Variants in PTPRD observed in about 807,000 individuals in gnomAD.
The protein encoded by PTPRD is receptor-type tyrosine-protein phosphatase delta.
PTPRD carries 34 observed loss-of-function variants against 214.5 expected under a neutral mutation model. The observed-to-expected ratio is 0.16, with a 90% CI of 0.12 to 0.21. The LOEUF is 0.21. Ranked by LOEUF, PTPRD falls within the 10% of genes least tolerant of loss-of-function variation. PTPRD has a pLI of 1.00. For missense variants in PTPRD, 2,545 were observed against 2,398.7 expected (o/e 1.06, Z -1.27); for synonymous variants, 1,128 against 845.7 (o/e 1.33, Z -5.79).
At chr9:8,724,213 G>A (rs1027365791) in intron 12 of PTPRD, among the ~76,000 whole-genome samples, 70 of 152,270 alleles carry the variant, frequency 4.6e-4, no homozygotes, top group African/African-American at 1.6e-3. Flanking sequence ...TAAATGCCAT[G>A]TTAAAAACAA....
chr9:8,921,516 C>CAG (rs2098827847), intron 11 of PTPRD, among the ~76,000 whole-genome samples: 1 of 151,474 alleles, frequency 6.6e-6, no homozygotes, highest in Non-Finnish European at 1.5e-5. Context: ...TTTTTTGAGA[C>CAG]AGAGTCTCAC....
intron 9 of PTPRD, among the ~76,000 whole-genome samples, chr9:9,197,034 C>T (rs553973077): frequency 1.1e-4 from 17 of 152,176 alleles, no homozygotes; most frequent in African/African-American, 4.1e-4. Flanking sequence ...TTGTCAAAAC[C>T]CACAAATGAC....
intron 8 of PTPRD, among the ~76,000 whole-genome samples, chr9:9,546,968 T>TA (rs112152262): frequency 7.2e-4 from 105 of 146,728 alleles, no homozygotes; most frequent in Admixed American, 4.4e-3. Flanking sequence ...TCACTAATGT[T>TA]AAAAAAAAAA....
chr9:10,105,736 C>G (rs1412364515), intron 3 of PTPRD, among the ~76,000 whole-genome samples: 3 of 151,666 alleles, frequency 2.0e-5, no homozygotes, highest in Non-Finnish European at 2.9e-5. Flanking sequence ...ATATAAGAAG[C>G]TTCTGAAAAA....
chr9:8,534,417 G>A (rs1321783833), intron 14 of PTPRD, among the ~76,000 whole-genome samples: 2 of 151,866 alleles, frequency 1.3e-5, no homozygotes, highest in Non-Finnish European at 2.9e-5. Flanking sequence ...GGCAAACACT[G>A]TGGGTCTTCC....
At chr9:8,426,075 GA>G (rs776693294) in intron 35 of PTPRD, among the ~76,000 whole-genome samples, 1 of 151,776 alleles carries the variant, frequency 6.6e-6, no homozygotes, top group Admixed American at 6.6e-5. Context: ...AATCACTTGA[GA>G]AAAAAAAGTC....
rs565456504 is a variant in PTPRD, at chr9:10,146,970, T to C, written c.-544-113180A>G. Among the ~76,000 whole-genome samples the C allele has an allele frequency of 5.3e-5, 8 of 152,090 alleles. No homozygotes were observed. In the East Asian group the frequency reaches 5.8e-4, roughly 11 times the overall value. On this transcript the variant is annotated intron_variant, in intron 3 of 45. Transcript: ENST00000381196. ...AGCCAAGATCTTAGATCCAGACATG[T>C]AGGTGGCGACTTCAAGTCTGAAAAT...
intron 8 of PTPRD, among the ~76,000 whole-genome samples, chr9:9,442,830 A>G (rs562632551): frequency 4.6e-5 from 7 of 152,330 alleles, no homozygotes; most frequent in African/African-American, 7.2e-5. Flanking sequence ...AAACATGACT[A>G]TAAAGAAATA....
chr9:9,339,768 T>C (rs1025060461), intron 9 of PTPRD, among the ~76,000 whole-genome samples: 3 of 152,176 alleles, frequency 2.0e-5, no homozygotes, highest in African/African-American at 4.8e-5. Flanking sequence ...CCCTAAATGA[T>C]TGCTTCAGAA....
chr9:9,742,939 A>T (rs1404605379), intron 6 of PTPRD, among the ~76,000 whole-genome samples: 1 of 152,166 alleles, frequency 6.6e-6, no homozygotes, highest in Non-Finnish European at 1.5e-5. Context: ...TACTGTTACT[A>T]TCCTTCTTTA....
chr9:9,023,663 C>T (rs1355560438), intron 10 of PTPRD, among the ~76,000 whole-genome samples: 3 of 151,844 alleles, frequency 2.0e-5, no homozygotes, highest in Non-Finnish European at 4.4e-5. Flanking sequence ...CCCCGCTCTC[C>T]CTCCCCCGTC....
At chr9:9,422,584 A>G (rs1410708642) in intron 8 of PTPRD, among the ~76,000 whole-genome samples, 1 of 152,130 alleles carries the variant, frequency 6.6e-6, no homozygotes, top group Non-Finnish European at 1.5e-5. Context: ...TCTCCTTGGG[A>G]CATGAGCTAT....
intron 12 of PTPRD, among the ~76,000 whole-genome samples, chr9:8,668,723 A>C (rs1040540085): frequency 6.6e-6 from 1 of 152,244 alleles, no homozygotes; most frequent in Non-Finnish European, 1.5e-5. Context: ...TAAGTGATTC[A>C]TAACTGTCTT....
At chr9:9,110,261 A>G (rs1188952789) in intron 10 of PTPRD, among the ~76,000 whole-genome samples, 1 of 152,112 alleles carries the variant, frequency 6.6e-6, no homozygotes. Context: ...ACCCCAGCAC[A>G]CGTCTTTAGG....
chr9:9,502,483 T>C (rs1227531202), intron 8 of PTPRD, among the ~76,000 whole-genome samples: 2 of 151,936 alleles, frequency 1.3e-5, no homozygotes, highest in Non-Finnish European at 2.9e-5. Context: ...CATACGTATA[T>C]GTATTTCTGT....
At chr9:9,431,934 A>T (rs1394656353) in intron 8 of PTPRD, among the ~76,000 whole-genome samples, 1 of 150,494 alleles carries the variant, frequency 6.6e-6, no homozygotes, top group Non-Finnish European at 1.5e-5. Context: ...GGGTAGCATT[A>T]GAAGATATAC....
chr9:9,905,354 G>A (rs1264710951), intron 5 of PTPRD, among the ~76,000 whole-genome samples: 2 of 151,594 alleles, frequency 1.3e-5, no homozygotes, highest in Non-Finnish European at 2.9e-5. Context: ...TGTTGTTATT[G>A]ACTAGTAAAT....
At chr9:9,469,580 G>A (rs1170267241) in intron 8 of PTPRD, among the ~76,000 whole-genome samples, 1 of 152,166 alleles carries the variant, frequency 6.6e-6, no homozygotes, top group Non-Finnish European at 1.5e-5. Context: ...ATTAACTGAT[G>A]ACAGATGAAA....
At chr9:10,031,647 T>TATATATACACACACACAC in intron 4 of PTPRD, among the ~76,000 whole-genome samples, 8 of 89,638 alleles carry the variant, frequency 8.9e-5, no homozygotes, top group East Asian at 4.7e-4. Context: ...TATATATATA[T>TATATATACACACACACAC]ACACACACAC....
Sources: allele counts gnomAD v4.1 joint callset (sites outside exome capture counted in the v4.1 genomes callset), GRCh38; gene constraint gnomAD v4.1.1; transcripts MANE v1.5; gene names NCBI Gene and HGNC (gene_info 2026-07-23, HGNC 2026-07-21).